Variants in UTRN observed in about 807,000 individuals in gnomAD.
The protein encoded by UTRN is utrophin.
UTRN carries 283 observed loss-of-function variants against 463.9 expected under a neutral mutation model. The ratio of observed to expected loss-of-function variants is 0.61; its 90% confidence interval spans 0.55 to 0.67. The LOEUF (loss-of-function observed/expected upper bound fraction) is 0.67, where lower values mean the gene tolerates loss of function less well. Ranked by LOEUF, UTRN falls within the 30% of genes least tolerant of loss-of-function variation. The probability of loss-of-function intolerance (pLI) is 0.00; values close to 1 mark genes in which losing one functional copy is unlikely to be tolerated. For missense variants in UTRN, 3,922 were observed against 4,084.3 expected (o/e 0.96, Z 1.08); for synonymous variants, 1,442 against 1,431.5 (o/e 1.01, Z -0.17).
chr6:144,463,741 T>A (rs909445882), intron 23 of UTRN, among the ~76,000 whole-genome samples: 1 of 151,696 alleles, frequency 6.6e-6, no homozygotes, highest in African/African-American at 2.4e-5. Flanking sequence ...ATCCAATCAA[T>A]ATTTTTCAAC....
At chr6:144,626,448 G>A (rs1190202555) in intron 51 of UTRN, among the ~76,000 whole-genome samples, 1 of 152,154 alleles carries the variant, frequency 6.6e-6, no homozygotes, top group Non-Finnish European at 1.5e-5. Context: ...ACGTGAATCC[G>A]CTTTCCTCCC....
rs367837318 is a variant in UTRN at position 144,429,630 on chromosome 6, A to T, written c.744A>T (p.Thr248=). 5.0e-6 allele frequency: 8 copies of T among 1,612,500 alleles called. No homozygotes were observed. In the African/African-American group the frequency reaches 1.1e-4, roughly 22 times the overall value. The stretch of plus-strand genomic sequence containing the variant: ...AGAAATCCATAATTATGTATTTAAC[A>T]TCTTTGTTTGAGGTGCTACCTCAGC... ...PDKKSIIMYL[T]SLFEVLPQQV... is the part of the protein sequence containing the mutation. Residue 248 remains threonine, a synonymous_variant, in exon 9 of 75, where the codon ACA becomes ACT. Coordinates refer to ENST00000367545, the MANE Select transcript of UTRN (RefSeq NM_007124.3).
At chr6:144,709,166 C>T (rs1785400473) in intron 53 of UTRN, among the ~76,000 whole-genome samples, 1 of 152,148 alleles carries the variant, frequency 6.6e-6, no homozygotes, top group Non-Finnish European at 1.5e-5. Flanking sequence ...TTCGGGCAAG[C>T]TTTTAGTTCA....
At chr6:144,428,252 T>C (rs1456694466) in intron 7 of UTRN, among the ~76,000 whole-genome samples, 2 of 152,204 alleles carry the variant, frequency 1.3e-5, no homozygotes, top group African/African-American at 4.8e-5. Flanking sequence ...CTTCCAAGGC[T>C]TTTGTTTTAG....
chr6:144,578,363 G>A (rs1801646023), intron 51 of UTRN, among the ~76,000 whole-genome samples: 1 of 152,072 alleles, frequency 6.6e-6, no homozygotes, highest in Admixed American at 6.5e-5. Flanking sequence ...TTTTGTTGTT[G>A]TTGTTTTGTT....
intron 61 of UTRN, among the ~76,000 whole-genome samples, chr6:144,786,477 G>A (rs771385191): frequency 6.6e-6 from 1 of 152,032 alleles, no homozygotes; most frequent in African/African-American, 2.4e-5. Context: ...GTAGAGACAG[G>A]GTTTCACCAT....
intron 2 of UTRN, among the ~76,000 whole-genome samples, chr6:144,377,009 T>C (rs1780522340): frequency 6.6e-6 from 1 of 152,146 alleles, no homozygotes; most frequent in Non-Finnish European, 1.5e-5. Flanking sequence ...GTGACTATTA[T>C]ATATTTTTCT....
At chr6:144,715,976 A>G (rs1473098417) in intron 53 of UTRN, among the ~76,000 whole-genome samples, 1 of 152,178 alleles carries the variant, frequency 6.6e-6, no homozygotes, top group Non-Finnish European at 1.5e-5. Flanking sequence ...TGTTTAATAA[A>G]GGTAATAACT....
At chr6:144,361,136 G>A (rs765644066) in intron 2 of UTRN, among the ~76,000 whole-genome samples, 24 of 152,210 alleles carry the variant, frequency 1.6e-4, no homozygotes, top group Admixed American at 1.6e-3. Flanking sequence ...CTAAGAAAGA[G>A]TCTTCAGATT....
intron 58 of UTRN, among the ~76,000 whole-genome samples, chr6:144,768,428 T>A (rs1300476046): frequency 6.6e-6 from 1 of 152,164 alleles, no homozygotes; most frequent in Non-Finnish European, 1.5e-5. Flanking sequence ...TACAGTCTAG[T>A]ATAAAGCAGG....
intron 58 of UTRN, among the ~76,000 whole-genome samples, chr6:144,769,755 C>A (rs1411854600): frequency 6.6e-6 from 1 of 152,116 alleles, no homozygotes; most frequent in East Asian, 1.9e-4. Context: ...CTGGACAGTA[C>A]TGTTGTCGTG....
chr6:144,765,694 A>G (rs1015865163), intron 58 of UTRN, among the ~76,000 whole-genome samples: 3 of 152,192 alleles, frequency 2.0e-5, no homozygotes, highest in African/African-American at 7.2e-5. Flanking sequence ...TACAGACATG[A>G]GCCACTGTGC....
intron 72 of UTRN, among the ~76,000 whole-genome samples, chr6:144,840,389 T>G (rs1781464656): frequency 2.0e-5 from 3 of 152,146 alleles, no homozygotes; most frequent in African/African-American, 7.2e-5. Context: ...TGAAATTTTT[T>G]TTGTATGAAA....
rs111723532 is a variant in UTRN, at chr6:144,389,598, C to CT, written c.80-13515dup. On this transcript the variant is annotated intron_variant, in intron 2 of 74. Coordinates refer to ENST00000367545, the MANE Select transcript of UTRN (RefSeq NM_007124.3). ...GCACATCCCTTTCTCCTTCATTACT[C>CT]TTTTTTTTTTCCCCCCCTGAGACGG... Among the ~76,000 whole-genome samples the CT allele has an allele frequency of 7.5e-3, 1,125 of 150,044 alleles. 15 individuals are homozygous for CT. The highest frequency in any genetic ancestry group is 0.025 in the African/African-American group (1,000 of 40,650).
At chr6:144,292,143 GC>G (rs1374936134) in intron 2 of UTRN, among the ~76,000 whole-genome samples, 1 of 152,188 alleles carries the variant, frequency 6.6e-6, no homozygotes. Context: ...GCTGCTTGTA[GC>G]TAAAGGTTGT....
intron 53 of UTRN, among the ~76,000 whole-genome samples, chr6:144,724,109 C>A (rs1463000949): frequency 2.0e-5 from 3 of 150,380 alleles, no homozygotes; most frequent in Non-Finnish European, 3.0e-5. Flanking sequence ...TAATAATAAC[C>A]TTGTTGAGAT....
intron 13 of UTRN, among the ~76,000 whole-genome samples, chr6:144,442,154 A>T (rs1787244505): frequency 1.3e-5 from 2 of 152,098 alleles, no homozygotes; most frequent in South Asian, 4.1e-4. Context: ...AGCCAGCTTG[A>T]ATTTCTCCTC....
chr6:144,799,548 G>A, intron 64 of UTRN: 2 of 468,562 alleles, frequency 4.3e-6, no homozygotes, highest in Non-Finnish European at 8.9e-6. Flanking sequence ...ATAGATGTAT[G>A]GGAGAGGGAA....
At chr6:144,345,981 C>T (rs1428947402) in intron 2 of UTRN, among the ~76,000 whole-genome samples, 1 of 151,926 alleles carries the variant, frequency 6.6e-6, no homozygotes, top group Non-Finnish European at 1.5e-5. Context: ...AGTTCTAGAC[C>T]AGCCTGGCCA....
Sources: gnomAD v4.1 joint callset for allele counts (sites outside exome capture counted in the v4.1 genomes callset) on GRCh38, gnomAD v4.1.1 for gene constraint, MANE v1.5 for transcripts, NCBI Gene and HGNC (gene_info 2026-07-23, HGNC 2026-07-21) for gene names.